CAPRIN2: variants seen among roughly 807,000 people sequenced by gnomAD.
CAPRIN2 encodes the protein caprin family member 2, also known as caprin-2.
CAPRIN2 carries 66 observed loss-of-function variants against 130.4 expected under a neutral mutation model. The observed-to-expected ratio is 0.51, with a 90% CI of 0.42 to 0.62. The LOEUF (loss-of-function observed/expected upper bound fraction) is 0.62, where lower values mean the gene tolerates loss of function less well. Ranked by LOEUF, CAPRIN2 falls within the 20% of genes least tolerant of loss-of-function variation. The pLI is 0.00. For missense variants in CAPRIN2, 1,185 were observed against 1,246.6 expected (o/e 0.95, Z 0.74); for synonymous variants, 471 against 444.1 (o/e 1.06, Z -0.76).
Position 30,753,416 on chromosome 12 carries a change from T to C in CAPRIN2, c.348A>G (p.Gln116=), listed in dbSNP as rs781501983. 8 of 1,613,906 alleles carry C rather than the reference T, an allele frequency of 5.0e-6. No homozygotes were observed. In the South Asian group the frequency reaches 8.8e-5, roughly 18 times the overall value. ...CATTTTCAATATAGGTCTCATACGC[T>C]TGGGAAGGAGATGCAGCAGAACTCA... Residue 116 remains glutamine (Q), a synonymous_variant, in exon 1 of 17, where the codon CAA becomes CAG. Transcript: ENST00000298892.
chr12:30,719,152 T>G, intron 12 of CAPRIN2: 1 of 1,614,120 alleles, frequency 6.2e-7, no homozygotes, highest in East Asian at 2.2e-5. Context: ...CTGGAAGCCC[T>G]GTTCAGAGCC....
At chr12:30,746,478 GTGA>G (rs1196321684) in intron 2 of CAPRIN2, among the ~76,000 whole-genome samples, 1 of 152,196 alleles carries the variant, frequency 6.6e-6, no homozygotes, top group Admixed American at 6.5e-5. Flanking sequence ...CAAACTTTGG[GTGA>G]TGATGATGTG....
intron 12 of CAPRIN2, 75 bp downstream of exon 13, chr12:30,720,736 G>T: frequency 1.2e-6 from 1 of 831,314 alleles, no homozygotes; most frequent in Non-Finnish European, 2.1e-6. Flanking sequence ...AACTAATCAT[G>T]CCTGTAATTC....
intron 8 of CAPRIN2, among the ~76,000 whole-genome samples, chr12:30,727,031 AAT>A (rs2061151743): frequency 6.6e-6 from 1 of 152,286 alleles, no homozygotes; most frequent in Non-Finnish European, 1.5e-5. Flanking sequence ...AAGCAAATTA[AAT>A]ATGTTTTGAC....
At chr12:30,738,093 G>A (rs1441636076) in intron 3 of CAPRIN2, among the ~76,000 whole-genome samples, 1 of 151,996 alleles carries the variant, frequency 6.6e-6, no homozygotes, top group Admixed American at 6.5e-5. Context: ...AAACTTAAAA[G>A]AGGAGCCCAA....
intron 16 of CAPRIN2, among the ~76,000 whole-genome samples, chr12:30,711,109 A>C (rs2054316297): frequency 6.6e-6 from 1 of 152,180 alleles, no homozygotes; most frequent in South Asian, 2.1e-4. Context: ...CTTCTCCCTT[A>C]TACAAACTTT....
chr12:30,744,697 A>C (rs1314620915), intron 2 of CAPRIN2, among the ~76,000 whole-genome samples: 1 of 152,138 alleles, frequency 6.6e-6, no homozygotes, highest in Admixed American at 6.6e-5. Context: ...TCACCTTCTT[A>C]ACATCCATCA....
chr12:30,714,008 CTCTTT>C, intron 14 of CAPRIN2, 123 bp from the exon 17 acceptor site: 1 of 514,814 alleles, frequency 1.9e-6, no homozygotes, highest in Non-Finnish European at 3.5e-6. Flanking sequence ...GACTTATGCC[CTCTTT>C]AAGCAAACTC....
chr12:30,724,923 A>G (rs1053883816), intron 9 of CAPRIN2, among the ~76,000 whole-genome samples: 14 of 152,098 alleles, frequency 9.2e-5, no homozygotes, highest in Admixed American at 7.9e-4. Context: ...GAGCCCAGGA[A>G]TTCGAGGCTG....
At chr12:30,753,133 T>C (rs557411238) in intron 1 of CAPRIN2, among the ~76,000 whole-genome samples, 294 of 152,354 alleles carry the variant, frequency 1.9e-3, no homozygotes, top group African/African-American at 6.7e-3. Context: ...GCATGCATAA[T>C]GTAACTATGA....
exon 1 of CAPRIN2, chr12:30,753,412 A>T: frequency 6.2e-7 from 1 of 1,614,000 alleles, no homozygotes; most frequent in South Asian, 1.1e-5. Context: ...TAGGTCTCAT[A>T]CGCTTGGGAA....
chr12:30,714,958 C>G lies in CAPRIN2; in HGVS notation c.2500+1G>C. Reference sequence around the variant, plus strand: ...ATAATTCAATTTTATTCAGGGCATACCTTTATAACCACCAGGGGACCGATA... The same window carrying G: ...ATAATTCAATTTTATTCAGGGCATAGCTTTATAACCACCAGGGGACCGATA... On this transcript the variant is annotated splice_donor_variant, in intron 14 of 16. Transcript: ENST00000298892. LOFTEE classifies it high-confidence loss of function. 2 of 1,612,004 alleles carry G rather than the reference C, an allele frequency of 1.2e-6. No individual in the cohort carries two copies. Among genetic ancestry groups the G allele is most frequent in the South Asian group, 1.1e-5 (1 of 90,982 alleles).
chr12:30,709,978 CG>C lies in CAPRIN2; in HGVS notation c.3157del (p.Arg1053ValfsTer39). 6.2e-7 allele frequency: 1 copy of C among 1,614,032 alleles called. No individual in the cohort carries two copies. Among genetic ancestry groups the C allele is most frequent in the Non-Finnish European group, 8.5e-7 (1 of 1,179,996 alleles). On this transcript the variant is annotated frameshift_variant, in exon 17 of 17. Coordinates refer to ENST00000298892, the Ensembl canonical transcript of CAPRIN2. LOFTEE classifies it high-confidence loss of function. ...TCCATAAATTGCTCCCCTGTGCAGACGTAACCATATCTGGTCTCCCTGGAAG... is the reference window on the plus strand; with the variant it reads ...TCCATAAATTGCTCCCCTGTGCAGACTAACCATATCTGGTCTCCCTGGAAG...
intron 2 of CAPRIN2, among the ~76,000 whole-genome samples, chr12:30,749,698 G>A (rs1219603901): frequency 1.3e-5 from 2 of 152,106 alleles, no homozygotes; most frequent in Non-Finnish European, 2.9e-5. Flanking sequence ...TGGGGAACAG[G>A]GAAAAATTAT....
chr12:30,734,782 C>G (rs2063915440), intron 4 of CAPRIN2, among the ~76,000 whole-genome samples, 186 bp downstream of exon 5: 1 of 151,934 alleles, frequency 6.6e-6, no homozygotes. Context: ...CTGTCAGACT[C>G]TGGGCCAGCC....
At chr12:30,715,565 G>A (rs1001562901) in intron 13 of CAPRIN2, 10 of 396,656 alleles carry the variant, frequency 2.5e-5, no homozygotes, top group Admixed American at 1.9e-4. Flanking sequence ...GTTGGGGGGA[G>A]ATGAAAAGTT....
intron 16 of CAPRIN2, among the ~76,000 whole-genome samples, chr12:30,711,359 T>G (rs2054497022): frequency 6.6e-6 from 1 of 152,218 alleles, no homozygotes; most frequent in African/African-American, 2.4e-5. Context: ...ACACCCACCC[T>G]TTTAATTCAA....
chr12:30,729,316 T>C (rs760152962), exon 8 of CAPRIN2: 5 of 1,554,718 alleles, frequency 3.2e-6, no homozygotes, highest in Middle Eastern at 1.7e-4. Flanking sequence ...ATATAGCGTC[T>C]GTTAAGAAAC....
At chr12:30,734,562 T>C (rs2063811353) in intron 4 of CAPRIN2, among the ~76,000 whole-genome samples, 1 of 152,164 alleles carries the variant, frequency 6.6e-6, no homozygotes, top group Non-Finnish European at 1.5e-5. Context: ...CCAAGTTAAA[T>C]ATTATTTACC....
Sources: gnomAD v4.1 joint callset for allele counts (sites outside exome capture counted in the v4.1 genomes callset) on GRCh38, gnomAD v4.1.1 for gene constraint, MANE v1.5 for transcripts, NCBI Gene and HGNC (gene_info 2026-07-23, HGNC 2026-07-21) for gene names.